The following HYCC1 variants were observed in gnomAD, a reference collection of about 807,000 sequenced individuals.
The protein encoded by HYCC1 is hyccin PI4KA lipid kinase complex subunit 1.
the HYCC1 span, chr7:22,985,658 T>G: frequency 3.3e-5 from 5 of 152,018 alleles, no homozygotes; most frequent in Non-Finnish European, 7.4e-5. Flanking sequence ...AAGGCATTCT[T>G]CAATATTTCA....
the HYCC1 span, chr7:22,961,462 T>C: frequency 1.9e-6 from 1 of 525,888 alleles, no homozygotes; most frequent in East Asian, 3.2e-5. Flanking sequence ...TAAAAATGTA[T>C]CTTTAAATCT....
chr7:22,955,131 T>C, the HYCC1 span, among the ~76,000 whole-genome samples: 1 of 151,618 alleles, frequency 6.6e-6, no homozygotes, highest in Admixed American at 6.6e-5. Context: ...TTGTTACTAT[T>C]ATATAACGTG....
the HYCC1 span, among the ~76,000 whole-genome samples, chr7:22,965,131 T>TAA: frequency 7.5e-6 from 1 of 133,846 alleles, no homozygotes; most frequent in East Asian, 2.1e-4. Context: ...GAGATTCCAT[T>TAA]AAAAAAAAAA....
chr7:22,945,243 A>C, the HYCC1 span: 2 of 321,538 alleles, frequency 6.2e-6, no homozygotes, highest in East Asian at 7.7e-5. Flanking sequence ...CCAAACCAAA[A>C]CAAGAAAAAC....
At chr7:22,954,352 T>A in the HYCC1 span, among the ~76,000 whole-genome samples, 3 of 151,218 alleles carry the variant, frequency 2.0e-5, no homozygotes, top group South Asian at 6.3e-4. Context: ...TAGAATTTTC[T>A]AAATCAATAA....
At chr7:22,946,258 T>A in the HYCC1 span, 1 of 947,764 alleles carries the variant, frequency 1.1e-6, no homozygotes, top group Non-Finnish European at 1.6e-6. Context: ...TTACATAAAT[T>A]AAGCTTTAGC....
chr7:23,000,467 T>C, the HYCC1 span, among the ~76,000 whole-genome samples: 1 of 152,140 alleles, frequency 6.6e-6, no homozygotes, highest in Non-Finnish European at 1.5e-5. Flanking sequence ...CATATACACA[T>C]ACATGTATAC....
the HYCC1 span, among the ~76,000 whole-genome samples, chr7:23,010,725 A>G: frequency 4.6e-5 from 7 of 152,334 alleles, no homozygotes; most frequent in African/African-American, 1.7e-4. Flanking sequence ...CCCACACCAA[A>G]TTGGTATAGG....
At chr7:22,994,898 G>C in the HYCC1 span, among the ~76,000 whole-genome samples, 1 of 152,044 alleles carries the variant, frequency 6.6e-6, no homozygotes, top group Admixed American at 6.6e-5. Flanking sequence ...ATAACTCTTT[G>C]TACATCTTCT....
At chr7:22,964,441 T>C in the HYCC1 span, 9 of 1,601,118 alleles carry the variant, frequency 5.6e-6, no homozygotes, top group South Asian at 1.1e-5. Flanking sequence ...CTGTTAACAT[T>C]TGCACCATGA....
At chr7:23,002,175 T>C in the HYCC1 span, among the ~76,000 whole-genome samples, 136 of 51,804 alleles carry the variant, frequency 2.6e-3, no homozygotes, top group Middle Eastern at 0.032. Context: ...TATATATATA[T>C]ACATATAGTT....
the HYCC1 span, among the ~76,000 whole-genome samples, chr7:22,980,094 C>G: frequency 3.3e-5 from 5 of 152,020 alleles, no homozygotes; most frequent in African/African-American, 4.8e-5. Context: ...AGGGTCAGAC[C>G]TGGAGCCAGG....
the HYCC1 span, among the ~76,000 whole-genome samples, chr7:22,925,069 C>G: frequency 1.3e-5 from 2 of 152,214 alleles, no homozygotes; most frequent in Admixed American, 6.5e-5. Flanking sequence ...CCCAGGCAAA[C>G]AGAGTCTGAA....
At chr7:22,934,322 A>C in the HYCC1 span, 1 of 143,380 alleles carries the variant, frequency 7.0e-6, no homozygotes, top group Non-Finnish European at 1.5e-5. Context: ...TTCCTGTCTT[A>C]CTAGGATCTC....
the HYCC1 span, chr7:22,937,653 G>A: frequency 6.6e-6 from 1 of 152,110 alleles, no homozygotes; most frequent in Non-Finnish European, 1.5e-5. Flanking sequence ...TGCTGCCACT[G>A]ATTTCCTGGA....
the HYCC1 span, among the ~76,000 whole-genome samples, chr7:22,924,272 T>C: frequency 6.7e-6 from 1 of 148,696 alleles, no homozygotes; most frequent in Non-Finnish European, 1.5e-5. Context: ...AGAAGACGGG[T>C]GATTTCCGCA....
the HYCC1 span, among the ~76,000 whole-genome samples, chr7:22,910,477 T>G: frequency 1.4e-3 from 219 of 152,370 alleles, no homozygotes; most frequent in Non-Finnish European, 1.7e-3. Context: ...AACCTTTTTC[T>G]TTAATATTAT....
the HYCC1 span, chr7:22,945,275 A>G: frequency 9.7e-6 from 4 of 414,002 alleles, no homozygotes; most frequent in South Asian, 9.8e-5. Context: ...CTCACATGAG[A>G]CATAACCAAC....
the HYCC1 span, among the ~76,000 whole-genome samples, chr7:22,974,330 T>TG: frequency 2.0e-5 from 3 of 152,224 alleles, no homozygotes; most frequent in African/African-American, 7.2e-5. Flanking sequence ...TACAATATAA[T>TG]GACTTGGCAA....
Sources: allele counts gnomAD v4.1 joint callset (sites outside exome capture counted in the v4.1 genomes callset), GRCh38; gene constraint gnomAD v4.1.1; transcripts MANE v1.5; gene names NCBI Gene and HGNC (gene_info 2026-07-23, HGNC 2026-07-21).